Variants in MAPK6 observed in about 807,000 individuals in gnomAD.
MAPK6 encodes ERK-3.
Under a neutral mutation model 59.3 loss-of-function variants are expected in MAPK6, and 19 were observed. That is an observed-to-expected ratio of 0.32 (90% CI 0.22 to 0.47). The LOEUF is 0.47. Among genes scored for constraint, MAPK6 ranks in the 20% least tolerant of loss-of-function variants. MAPK6 has a pLI of 1.00. For missense variants in MAPK6, 724 were observed against 847.9 expected, an observed-to-expected ratio of 0.85 and a Z score of 1.81; for synonymous variants, 316 against 290.3, an observed-to-expected ratio of 1.09 and a Z score of -0.90.
chr15:52,056,869 A>C (rs1453886362), intron 3 of MAPK6: 1 of 149,964 alleles, frequency 6.7e-6, no homozygotes, highest in Non-Finnish European at 1.5e-5. Flanking sequence ...TCCTGAATTT[A>C]TATCTTCAGC....
intron 1 of MAPK6, among the ~76,000 whole-genome samples, chr15:51,980,895 A>G (rs1424440087): frequency 6.6e-6 from 1 of 151,376 alleles, no homozygotes; most frequent in Non-Finnish European, 1.5e-5. Context: ...CCCAGCCACA[A>G]AAGCTATTTC....
chr15:51,988,584 T>C (rs1312061175), intron 2 of MAPK6, among the ~76,000 whole-genome samples: 1 of 151,806 alleles, frequency 6.6e-6, no homozygotes, highest in Non-Finnish European at 1.5e-5. Flanking sequence ...ATACAAAAAT[T>C]AGCCGGGTGT....
At chr15:51,974,735 C>T (rs934006591) in intron 1 of MAPK6, among the ~76,000 whole-genome samples, 1 of 149,870 alleles carries the variant, frequency 6.7e-6, no homozygotes. Flanking sequence ...TCCCCCCCCG[C>T]AAGACAGAGT....
At chr15:52,061,936 GTGATTTTA>G (rs1365697799) in intron 5 of MAPK6, among the ~76,000 whole-genome samples, 14 of 151,974 alleles carry the variant, frequency 9.2e-5, no homozygotes, top group Non-Finnish European at 2.1e-4. Context: ...TCCTTTAACT[GTGATTTTA>G]TGAATGTCAA....
At chr15:52,009,964 A>G (rs58000475) in intron 3 of MAPK6, among the ~76,000 whole-genome samples, 8,423 of 151,948 alleles carry the variant, frequency 0.055, 450 homozygotes, top group African/African-American at 0.13. Flanking sequence ...GTAGAGACAC[A>G]GTTTCACCAT....
In MAPK6 at chr15:52,022,029, A is replaced by G. The variant is rs150375628; in HGVS notation, c.-632+2653A>G. On this transcript the variant is annotated intron_variant, in intron 1 of 5. Coordinates refer to ENST00000261845, the MANE Select transcript of MAPK6 (RefSeq NM_002748.4). ...GAGGGGGAAAAAGATTGAGAATGGCAGTTTAAGAGTGGGGCTGGGTGCGTT... is the reference window on the plus strand; with the variant it reads ...GAGGGGGAAAAAGATTGAGAATGGCGGTTTAAGAGTGGGGCTGGGTGCGTT... 3.0e-3 allele frequency among the ~76,000 whole-genome samples: 463 copies of G among 152,262 alleles called. 4 individuals carry two copies. Among genetic ancestry groups the G allele is most frequent in the African/African-American group, 0.01 (433 of 41,548 alleles).
intron 2 of MAPK6, among the ~76,000 whole-genome samples, chr15:52,002,929 C>T (rs1387156067): frequency 1.3e-5 from 2 of 152,156 alleles, no homozygotes; most frequent in Non-Finnish European, 2.9e-5. Flanking sequence ...TGGCTCATAC[C>T]TGTAATCCCA....
upstream of MAPK6, among the ~76,000 whole-genome samples, chr15:52,016,049 C>G (rs1394361708): frequency 1.8e-5 from 2 of 112,672 alleles, no homozygotes; most frequent in East Asian, 2.8e-4. Context: ...GAGCCAAACT[C>G]CATCGCGCGC....
intron 3 of MAPK6, 23 bp from the exon 4 acceptor site, chr15:52,058,606 GTTTT>G (rs772615243): frequency 2.1e-4 from 327 of 1,561,858 alleles, no homozygotes; most frequent in African/African-American, 1.1e-3. Context: ...TGAGGAATGT[GTTTT>G]TTTGTTTGTT....
intron 4 of MAPK6, among the ~76,000 whole-genome samples, chr15:52,059,076 C>G (rs1289647916): frequency 1.3e-5 from 2 of 151,998 alleles, no homozygotes; most frequent in African/African-American, 2.4e-5. Flanking sequence ...GCATTTTTTC[C>G]CTCAGATATA....
chr15:52,051,441 AC>A (rs35182645), intron 3 of MAPK6, among the ~76,000 whole-genome samples: 107,657 of 152,038 alleles, frequency 0.71, 40,433 homozygotes, highest in Non-Finnish European at 0.84. Flanking sequence ...GAGTCTATTT[AC>A]ATAAGAAAGA....
chr15:51,980,132 T>G (rs903035575), intron 1 of MAPK6, among the ~76,000 whole-genome samples: 3 of 151,068 alleles, frequency 2.0e-5, no homozygotes, highest in African/African-American at 7.3e-5. Flanking sequence ...CCATCTCTAC[T>G]AAAAATACAA....
intron 3 of MAPK6, among the ~76,000 whole-genome samples, chr15:52,011,692 A>C (rs1566898358): frequency 1.3e-5 from 2 of 152,208 alleles, no homozygotes; most frequent in East Asian, 3.8e-4. Flanking sequence ...TTCAGTTTTC[A>C]CTAATTTACT....
Position 52,064,969 on chromosome 15 carries a change from C to G in MAPK6, c.2135C>G (p.Thr712Arg), listed in dbSNP as rs1418443387. 1 of 1,609,890 alleles carries G rather than the reference C, an allele frequency of 6.2e-7. No individual in the cohort carries two copies. The highest frequency in any genetic ancestry group is 8.5e-7 in the Non-Finnish European group (1 of 1,178,114). The change falls in exon 6 of 6, where the codon ACA becomes AGA. Residue 712 changes from threonine to arginine, a missense_variant. This residue lies in a region of MAPK6 where 502 missense variants were observed against 507.6 expected (regional missense o/e 0.99). Coordinates refer to ENST00000261845, the MANE Select transcript of MAPK6 (RefSeq NM_002748.4). ...TCTTCCCCTCAAATTCCTCATCAAA[C>G]ATACAGCAGCATTCTGAAACATCTG... ...MKSSPQIPHQ[T>R]YSSILKHLN
At chr15:52,054,907 C>T (rs2031915176) in intron 3 of MAPK6, among the ~76,000 whole-genome samples, 1 of 152,174 alleles carries the variant, frequency 6.6e-6, no homozygotes, top group African/African-American at 2.4e-5. Context: ...CCTGCCTCAG[C>T]CTCTCAAGTA....
chr15:52,033,992 C>CT (rs755576259), intron 1 of MAPK6: 283 of 150,116 alleles, frequency 1.9e-3, no homozygotes, highest in Non-Finnish European at 2.9e-3. Context: ...TTCCTGGTTG[C>CT]TTTTTTTTTG....
rs75103347 is a variant in MAPK6, at chr15:52,034,790, C to T, written c.-631-11040C>T. ...TCAGCTCACTACAACCTCCTCCTCC[C>T]GGGTTCAAGTGATTCTCCTGCTTCA... is the stretch of plus-strand genomic sequence containing the variant. On this transcript the variant is annotated intron_variant, in intron 1 of 5. Transcript: ENST00000261845. Among the ~76,000 whole-genome samples the T allele has an allele frequency of 9.2e-5, 14 of 152,246 alleles. No individual in the cohort carries two copies. The East Asian group carries it at 1.3e-3, about 15-fold the overall frequency.
intron 3 of MAPK6, among the ~76,000 whole-genome samples, chr15:52,055,945 T>C (rs868283939): frequency 6.6e-6 from 1 of 152,226 alleles, no homozygotes; most frequent in Non-Finnish European, 1.5e-5. Context: ...ATAGGAATAG[T>C]TTGCAATGAA....
intron 1 of MAPK6, chr15:52,021,335 C>T (rs1239240016): frequency 6.7e-6 from 1 of 148,182 alleles, no homozygotes; most frequent in South Asian, 2.1e-4. Flanking sequence ...GATGATGACT[C>T]ATGCTGCCCA....
Sources: gnomAD v4.1 joint callset for allele counts (sites outside exome capture counted in the v4.1 genomes callset) on GRCh38, gnomAD v4.1.1 for gene constraint, gnomAD v4.1.1 regional missense constraint, MANE v1.5 for transcripts, NCBI Gene and HGNC (gene_info 2026-07-23, HGNC 2026-07-21) for gene names.